The following CHSY3 variants were observed in gnomAD, a reference collection of about 807,000 sequenced individuals.
CHSY3 encodes the protein chondroitin sulfate synthase 3.
A neutral mutation model predicts 67.2 loss-of-function variants in CHSY3; 35 were observed. That is an observed-to-expected ratio of 0.52 (90% confidence interval 0.40 to 0.69). CHSY3 has a LOEUF of 0.69. Among genes scored for constraint, CHSY3 ranks in the 30% least tolerant of loss-of-function variants. CHSY3 has a pLI of 0.00. For missense variants in CHSY3, 1,069 were observed against 1,138.5 expected, an observed-to-expected ratio of 0.94 and a Z score of 0.88; for synonymous variants, 474 against 434.7, an observed-to-expected ratio of 1.09 and a Z score of -1.12.
At chr5:130,153,806 G>A (rs755699726) in intron 2 of CHSY3, among the ~76,000 whole-genome samples, 2 of 151,904 alleles carry the variant, frequency 1.3e-5, no homozygotes. Context: ...TGTTCATTTA[G>A]TTTTTGTTTT....
At chr5:130,017,606 C>T (rs1338542490) in intron 2 of CHSY3, among the ~76,000 whole-genome samples, 2 of 152,032 alleles carry the variant, frequency 1.3e-5, no homozygotes, top group Non-Finnish European at 2.9e-5. Context: ...TTAAAAAAAT[C>T]TCTTTTTGAG....
intron 2 of CHSY3, among the ~76,000 whole-genome samples, chr5:130,041,852 G>A (rs1480295389): frequency 2.0e-5 from 3 of 152,114 alleles, no homozygotes. Flanking sequence ...ATATTTTAGT[G>A]ATGTCTATGT....
chr5:129,944,060 A>G (rs1056570710), intron 2 of CHSY3, among the ~76,000 whole-genome samples: 9 of 152,200 alleles, frequency 5.9e-5, no homozygotes, highest in African/African-American at 2.2e-4. Context: ...AGTGATAGTT[A>G]CAGAACTATC....
At chr5:129,999,445 A>C (rs993320809) in intron 2 of CHSY3, among the ~76,000 whole-genome samples, 1 of 152,190 alleles carries the variant, frequency 6.6e-6, no homozygotes, top group Non-Finnish European at 1.5e-5. Context: ...CTGAGATCCT[A>C]GAGAAGATCT....
At chr5:130,142,194 T>G (rs1414213327) in intron 2 of CHSY3, among the ~76,000 whole-genome samples, 2 of 152,144 alleles carry the variant, frequency 1.3e-5, no homozygotes, top group African/African-American at 4.8e-5. Context: ...CACCAAAAAA[T>G]TCTATAATAA....
At chr5:130,034,745 A>G (rs920121530) in intron 2 of CHSY3, among the ~76,000 whole-genome samples, 2 of 152,174 alleles carry the variant, frequency 1.3e-5, no homozygotes, top group African/African-American at 4.8e-5. Context: ...ATGTGATGGG[A>G]GAAGACAGTG....
chr5:130,111,075 A>G (rs1486569992), intron 2 of CHSY3, among the ~76,000 whole-genome samples: 2 of 152,102 alleles, frequency 1.3e-5, no homozygotes, highest in African/African-American at 2.4e-5. Flanking sequence ...ATGTATGATC[A>G]TATGAAAGAA....
At chr5:130,183,249 T>C (rs1770303773) in intron 2 of CHSY3, among the ~76,000 whole-genome samples, 2 of 152,164 alleles carry the variant, frequency 1.3e-5, no homozygotes, top group African/African-American at 4.8e-5. Flanking sequence ...ACATATTTTT[T>C]TTCATTTTTG....
chr5:130,086,231 T>A (rs948852883), intron 2 of CHSY3, among the ~76,000 whole-genome samples: 38 of 152,040 alleles, frequency 2.5e-4, no homozygotes, highest in African/African-American at 8.5e-4. Context: ...CCCATTATTA[T>A]TGTGTGGGAG....
chr5:130,051,580 T>G (rs1263217177), intron 2 of CHSY3, among the ~76,000 whole-genome samples: 1 of 151,986 alleles, frequency 6.6e-6, no homozygotes, highest in African/African-American at 2.4e-5. Context: ...CATTAATACC[T>G]GGGGGATGGG....
intron 2 of CHSY3, among the ~76,000 whole-genome samples, chr5:129,965,565 A>C (rs1762447074): frequency 6.6e-6 from 1 of 151,928 alleles, no homozygotes; most frequent in Non-Finnish European, 1.5e-5. Flanking sequence ...ACACTGTTTA[A>C]TCCAGTGCTT....
intron 2 of CHSY3, among the ~76,000 whole-genome samples, chr5:130,020,201 C>A (rs766232729): frequency 6.6e-6 from 1 of 151,594 alleles, no homozygotes; most frequent in Non-Finnish European, 1.5e-5. Flanking sequence ...GTGCATCACT[C>A]GAGGTCAGGA....
Position 130,050,186 on chromosome 5 carries a change from A to G in CHSY3, c.1087-134043A>G, listed in dbSNP as rs558930102. Among the ~76,000 whole-genome samples the G allele has an allele frequency of 7.9e-5, 12 of 152,230 alleles. No homozygotes were observed. In the South Asian group the frequency reaches 1.7e-3, roughly 21 times the overall value. ...AATGTATTTAAGTACTTTTCTTTTGACTAGTGCATTCTGTTCTGGTGTTAT... is the reference window on the plus strand; with the variant it reads ...AATGTATTTAAGTACTTTTCTTTTGGCTAGTGCATTCTGTTCTGGTGTTAT... On this transcript the variant is annotated intron_variant, in intron 2 of 2. Transcript: ENST00000305031.
chr5:130,051,941 T>TA (rs35417185), intron 2 of CHSY3: 66,237 of 143,326 alleles, frequency 0.46, 15,140 homozygotes, highest in African/African-American at 0.56. Context: ...TTAAAATTCT[T>TA]AAAAAAAAAA....
intron 2 of CHSY3, among the ~76,000 whole-genome samples, chr5:130,075,686 G>T (rs1484710418): frequency 6.6e-6 from 1 of 152,114 alleles, no homozygotes; most frequent in Non-Finnish European, 1.5e-5. Context: ...GAAGCTCTGA[G>T]TGCCTTAGGG....
chr5:130,094,078 G>A (rs535706022), intron 2 of CHSY3, among the ~76,000 whole-genome samples: 38 of 152,140 alleles, frequency 2.5e-4, no homozygotes, highest in African/African-American at 8.4e-4. Context: ...AAAGGGGCTC[G>A]GTAGGGATAG....
intron 2 of CHSY3, among the ~76,000 whole-genome samples, chr5:129,967,647 T>C (rs1274438281): frequency 6.6e-6 from 1 of 151,852 alleles, no homozygotes; most frequent in Non-Finnish European, 1.5e-5. Flanking sequence ...AGCCTTTATC[T>C]GCATCTCATT....
At chr5:129,929,666 A>G (rs889793438) in intron 2 of CHSY3, among the ~76,000 whole-genome samples, 7 of 152,222 alleles carry the variant, frequency 4.6e-5, no homozygotes, top group African/African-American at 1.7e-4. Flanking sequence ...AAAAACCACA[A>G]ACTAGCTACA....
intron 2 of CHSY3, among the ~76,000 whole-genome samples, chr5:130,039,570 G>T (rs1374846351): frequency 6.6e-6 from 1 of 152,090 alleles, no homozygotes; most frequent in Non-Finnish European, 1.5e-5. Context: ...ATAAACTTTT[G>T]TTGTTGTTTT....
Sources: gnomAD v4.1 joint callset for allele counts (sites outside exome capture counted in the v4.1 genomes callset) on GRCh38, gnomAD v4.1.1 for gene constraint, MANE v1.5 for transcripts, NCBI Gene and HGNC (gene_info 2026-07-23, HGNC 2026-07-21) for gene names.